TENM1: variants seen among roughly 807,000 people sequenced by gnomAD.
TENM1 encodes the protein teneurin-1.
A neutral mutation model predicts 174.8 loss-of-function variants in TENM1; 35 were observed. That is an observed-to-expected ratio of 0.20 (90% CI 0.15 to 0.27). The LOEUF (loss-of-function observed/expected upper bound fraction) is 0.27. TENM1 is among the 10% of genes least tolerant of loss of function. The pLI, the probability that TENM1 is intolerant of heterozygous loss-of-function variation, is 1.00. For missense variants in TENM1, 1,633 were observed against 2,130.1 expected (o/e 0.77, Z 4.59); for synonymous variants, 781 against 798.7 (o/e 0.98, Z 0.37).
In TENM1 at chrX:124,750,460, T is replaced by A. The variant is rs779164944; in HGVS notation, c.536-13263A>T. Among the ~76,000 whole-genome samples the A allele has an allele frequency of 8.3e-3, 936 of 112,182 alleles. 13 individuals carry two copies. Among genetic ancestry groups the A allele is most frequent in the African/African-American group, 0.028 (880 of 30,916 alleles). ...TTTAGACACACTGACTGTGGAGATA[T>A]CACAAGTTTCATTTACTTCTTTTTA... On this transcript the variant is annotated intron_variant, in intron 3 of 31. Transcript: ENST00000422452.
chrX:125,044,202 TAAAA>T, the TENM1 span, among the ~76,000 whole-genome samples: 4 of 55,851 alleles, frequency 7.2e-5, no homozygotes, highest in African/African-American at 2.8e-4. Flanking sequence ...AGATTAAAAA[TAAAA>T]AAAAATAAAA....
chrX:124,827,344 C>T (rs1340875197), intron 3 of TENM1, among the ~76,000 whole-genome samples: 1 of 111,935 alleles, frequency 8.9e-6, no homozygotes, highest in Non-Finnish European at 1.9e-5. Flanking sequence ...TCACTGCGCC[C>T]AGTTGGTTTT....
the TENM1 span, among the ~76,000 whole-genome samples, chrX:125,118,666 C>T: frequency 3.6e-5 from 4 of 111,490 alleles, no homozygotes; most frequent in African/African-American, 1.3e-4. Flanking sequence ...CGAAAAGATG[C>T]TCAACATCAT....
At chrX:124,962,555 C>T (rs1365432959) in intron 1 of TENM1, among the ~76,000 whole-genome samples, 1 of 112,174 alleles carries the variant, frequency 8.9e-6, no homozygotes, top group Non-Finnish European at 1.9e-5. Context: ...CGCGGTGGCT[C>T]ATGCCTATAA....
intron 22 of TENM1, among the ~76,000 whole-genome samples, chrX:124,468,773 A>ATTGT (rs1383176228): frequency 8.9e-6 from 1 of 112,163 alleles, no homozygotes; most frequent in Non-Finnish European, 1.9e-5. Context: ...AATAGTAAAT[A>ATTGT]TTGTTATGTA....
At chrX:124,875,729 G>C (rs2057187125) in intron 3 of TENM1, among the ~76,000 whole-genome samples, 1 of 107,956 alleles carries the variant, frequency 9.3e-6, no homozygotes, top group African/African-American at 3.4e-5. Flanking sequence ...TTTTTAAACA[G>C]CCATGGCATG....
chrX:124,554,634 A>G (rs1027424228), intron 14 of TENM1, among the ~76,000 whole-genome samples: 13 of 112,505 alleles, frequency 1.2e-4, no homozygotes, highest in South Asian at 3.7e-4. Flanking sequence ...AGTAAATGTT[A>G]TAAATTCATT....
Position 124,951,673 on chromosome X carries a change from T to TATATATATATATATATATAA in TENM1, c.217+11863_217+11864insTTATATATATATATATATAT, listed in dbSNP as rs767583231. 1.4e-3 allele frequency among the ~76,000 whole-genome samples: 93 copies of TATATATATATATATATATAA among 66,062 alleles called. 2 individuals are homozygous for TATATATATATATATATATAA. Among genetic ancestry groups the TATATATATATATATATATAA allele is most frequent in the African/African-American group, 2.8e-3 (51 of 17,927 alleles). 57.4% of individuals were successfully genotyped at this position (66,062 alleles called of 115,157 possible). The stretch of plus-strand genomic sequence containing the variant: ...ATATATATATATATATATATATATA[T>TATATATATATATATATATAA]AACAATCAATGTGACAAATAGGGAA... On this transcript the variant is annotated intron_variant, in intron 1 of 31. Coordinates refer to ENST00000422452, the Ensembl canonical transcript of TENM1.
At chrX:124,626,066 G>C (rs2050629563) in intron 11 of TENM1, among the ~76,000 whole-genome samples, 1 of 110,893 alleles carries the variant, frequency 9.0e-6, no homozygotes, top group African/African-American at 3.3e-5. Context: ...AAGCCTACCA[G>C]AGTGTCGGTG....
chrX:124,378,862 T>C (rs1012789747), exon 32 of TENM1: 2 of 112,364 alleles, frequency 1.8e-5, no homozygotes, highest in South Asian at 7.5e-4. Context: ...ACACTGCATT[T>C]AGGTAGCATC....
rs1258838827 is a variant in TENM1 at position 124,510,781 on chromosome X, C to CACACACACACACACACAT, written c.3302-7079_3302-7078insATGTGTGTGTGTGTGTGT. Among the ~76,000 whole-genome samples the CACACACACACACACACAT allele has an allele frequency of 3.6e-5, 4 of 111,335 alleles. No individual in the cohort carries two copies. The South Asian group carries it at 1.5e-3, about 42-fold the overall frequency. The stretch of plus-strand genomic sequence containing the variant: ...CAGCATCCACATGGGGAGATACACA[C>CACACACACACACACACAT]ACACACACACACTTGAAGTTTTTCT... On this transcript the variant is annotated intron_variant, in intron 18 of 31. Transcript: ENST00000422452.
At chrX:124,516,176 C>G (rs2047699570) in intron 18 of TENM1, among the ~76,000 whole-genome samples, 1 of 112,034 alleles carries the variant, frequency 8.9e-6, no homozygotes, top group South Asian at 3.7e-4. Context: ...GGACCCCTTA[C>G]TTACACCATA....
chrX:124,443,241 G>T lies in TENM1; in HGVS notation c.4104+10096C>A, dbSNP rs554422489. On this transcript the variant is annotated intron_variant, in intron 23 of 31. Transcript: ENST00000422452. ...TCTGAAGCTTGCAAAAAAATCTAAG[G>T]ACAAGAGAAAGTTGTTTTTTCAGTT... Among the ~76,000 whole-genome samples, 5 of 111,099 alleles carry T rather than the reference G, an allele frequency of 4.5e-5. No homozygotes were observed. The South Asian group carries it at 1.1e-3, about 25-fold the overall frequency.
At chrX:124,495,190 T>C (rs111863930) in intron 20 of TENM1, among the ~76,000 whole-genome samples, 26,338 of 86,271 alleles carry the variant, frequency 0.31, 5,001 homozygotes, top group African/African-American at 0.65. Context: ...TCCTGACTTT[T>C]TAATGATTGC....
intron 5 of TENM1, among the ~76,000 whole-genome samples, chrX:124,692,508 G>A (rs1421364416): frequency 9.2e-6 from 1 of 108,830 alleles, no homozygotes; most frequent in Non-Finnish European, 1.9e-5. Flanking sequence ...GCTTTCTTAG[G>A]TCTTCTTCTA....
chrX:124,507,174 G>A (rs1216224135), intron 18 of TENM1, among the ~76,000 whole-genome samples: 1 of 111,803 alleles, frequency 8.9e-6, no homozygotes. Context: ...GACTGGCAGT[G>A]AGCAGGAATA....
At chrX:125,083,376 G>T in the TENM1 span, among the ~76,000 whole-genome samples, 1 of 110,204 alleles carries the variant, frequency 9.1e-6, no homozygotes, top group African/African-American at 3.3e-5. Context: ...AGCTTCTGGG[G>T]TCTAGATTCT....
the TENM1 span, among the ~76,000 whole-genome samples, chrX:125,148,927 C>T: frequency 2.7e-5 from 3 of 111,771 alleles, no homozygotes; most frequent in Admixed American, 2.9e-4. Flanking sequence ...CACATCTTCT[C>T]CCTCCAACCC....
chrX:124,381,178 T>C, exon 32 of TENM1: 2 of 1,210,220 alleles, frequency 1.7e-6, no homozygotes, highest in Non-Finnish European at 2.2e-6. Flanking sequence ...CAAACCTTGG[T>C]TGCTTCCCTC....
Sources: gnomAD v4.1 joint callset for allele counts (sites outside exome capture counted in the v4.1 genomes callset) on GRCh38, gnomAD v4.1.1 for gene constraint, MANE v1.5 for transcripts, NCBI Gene and HGNC (gene_info 2026-07-23, HGNC 2026-07-21) for gene names.